Variants in TMEM72 observed in about 807,000 individuals in gnomAD.
TMEM72 encodes transmembrane protein 72, also known as kidney-specific secretory protein of 37 kDa.
TMEM72 carries 9 observed loss-of-function variants against 16.3 expected under a neutral mutation model. The ratio of observed to expected loss-of-function variants is 0.55; its 90% CI spans 0.33 to 0.96. The LOEUF (loss-of-function observed/expected upper bound fraction) is 0.96, where lower values mean the gene tolerates loss of function less well. Ranked by LOEUF, TMEM72 falls within the 40% of genes least tolerant of loss-of-function variation. TMEM72 has a pLI of 0.03. For synonymous variants in TMEM72, 160 were observed against 146.5 expected (o/e 1.09, Z -0.66); for missense variants, 324 against 337.8 (o/e 0.96, Z 0.32).
chr10:44,911,719 A>G (rs905132162), intron 1 of TMEM72, 137 bp downstream of exon 1: 3 of 940,198 alleles, frequency 3.2e-6, no homozygotes, highest in Non-Finnish European at 4.9e-6. Context: ...CAAGACCCCT[A>G]GAAACACTGC....
Position 44,914,578 on chromosome 10 carries a change from G to A in TMEM72, c.70+2996G>A, listed in dbSNP as rs139066180. On this transcript the variant is annotated intron_variant, in intron 1 of 4. Coordinates refer to ENST00000389583, the MANE Select transcript of TMEM72 (RefSeq NM_001123376.3). ...GTGAGCACTCCACATTCCCCTGTGC[G>A]GATGCCGGAGCTCCTGCCTGTCCAT... Among the ~76,000 whole-genome samples, 392 of 152,318 alleles carry A rather than the reference G, an allele frequency of 2.6e-3. 1 individual carries two copies. Among genetic ancestry groups the A allele is most frequent in the African/African-American group, 9.0e-3 (376 of 41,570 alleles).
chr10:44,915,504 T>G (rs1164712933), intron 1 of TMEM72, among the ~76,000 whole-genome samples: 1 of 152,126 alleles, frequency 6.6e-6, no homozygotes, highest in East Asian at 1.9e-4. Flanking sequence ...GGTCTGCTCC[T>G]GAGACTCCAC....
At chr10:44,911,605 C>A (rs1377335731) in intron 1 of TMEM72, 23 bp downstream of exon 1, 1 of 1,548,326 alleles carries the variant, frequency 6.5e-7, no homozygotes, top group South Asian at 1.2e-5. Context: ...CTCCTGGCTG[C>A]TGATCCTTGC....
At chr10:44,921,258 T>G (rs1840094027) in intron 1 of TMEM72, among the ~76,000 whole-genome samples, 1 of 151,930 alleles carries the variant, frequency 6.6e-6, no homozygotes, top group Non-Finnish European at 1.5e-5. Flanking sequence ...AGGCGTGGGG[T>G]GAGCTGTGCT....
At position 44,911,557 on chromosome 10, in the gene TMEM72, G is replaced by A; in HGVS notation, c.45G>A (p.Arg15=). Residue 15 remains arginine (R), a synonymous_variant, in exon 1 of 5, where the codon CGG becomes CGA. Coordinates refer to ENST00000389583, the MANE Select transcript of TMEM72 (RefSeq NM_001123376.3). ...GGACTGGGCTGGAATACACCTGCCG[G>A]CTCCTGGGCATCACCACTGCTGCAG... ...VFWTGLEYTC[R]LLGITTAAVL... 6.4e-7 allele frequency: 1 copy of A among 1,551,170 alleles called. No homozygotes were observed. Among genetic ancestry groups the A allele is most frequent in the Non-Finnish European group, 8.7e-7 (1 of 1,147,316 alleles).
At chr10:44,924,391 CGCTGAATG>C (rs1225466756) in intron 1 of TMEM72, among the ~76,000 whole-genome samples, 1 of 152,214 alleles carries the variant, frequency 6.6e-6, no homozygotes. Flanking sequence ...TTACTGCCCT[CGCTGAATG>C]CACTTTTCTC....
At chr10:44,927,216 G>A (rs901514771) in intron 1 of TMEM72, among the ~76,000 whole-genome samples, 1 of 152,154 alleles carries the variant, frequency 6.6e-6, no homozygotes, top group Non-Finnish European at 1.5e-5. Context: ...CCAAAGGTCC[G>A]TGCTGTGCTG....
Position 44,934,739 on chromosome 10 carries a change from T to C in TMEM72, c.433T>C (p.Ser145Pro), listed in dbSNP as rs1395259905. Residue 145 changes from serine to proline, a missense_variant, in exon 5 of 5, where the codon TCC (serine) becomes CCC (proline). Transcript: ENST00000389583. ...GAAAGCTGCCCCCGAGGTGCTGGCC[T>C]CCCCAGAGCAGTACACAGACCCCTC... ...KRKAAPEVLA[S>P]PEQYTDPSSS... is the part of the protein sequence containing the mutation. 1.2e-6 allele frequency: 2 copies of C among 1,611,846 alleles called. No homozygotes were observed. The highest frequency in any genetic ancestry group is 1.3e-5 in the African/African-American group (1 of 74,798).
At chr10:44,924,155 G>A (rs769061421) in intron 1 of TMEM72, among the ~76,000 whole-genome samples, 3 of 152,134 alleles carry the variant, frequency 2.0e-5, no homozygotes, top group East Asian at 1.9e-4. Flanking sequence ...CCCCACAGTC[G>A]CCTTGATCCA....
rs570463575 is a variant in TMEM72, at chr10:44,917,892, T to C, written c.70+6310T>C. ...CCTGACATTGAGACCTAAAAGAAATTTCTCCTGTGGGCCTGTATAAGTTTG... is the reference window on the plus strand; with the variant it reads ...CCTGACATTGAGACCTAAAAGAAATCTCTCCTGTGGGCCTGTATAAGTTTG... On this transcript the variant is annotated intron_variant, in intron 1 of 4. Coordinates refer to ENST00000389583, the MANE Select transcript of TMEM72 (RefSeq NM_001123376.3). Among the ~76,000 whole-genome samples the C allele has an allele frequency of 5.3e-5, 8 of 152,214 alleles. No individual in the cohort carries two copies. The South Asian group carries it at 1.2e-3, about 24-fold the overall frequency.
intron 1 of TMEM72, among the ~76,000 whole-genome samples, chr10:44,915,440 T>G (rs2132710311): frequency 6.6e-6 from 1 of 151,948 alleles, no homozygotes; most frequent in African/African-American, 2.4e-5. Context: ...GAGCGAAGCA[T>G]CTTGCTCAGG....
At position 44,913,487 on chromosome 10, in the gene TMEM72, C is replaced by A. The variant is rs11595954; in HGVS notation, c.70+1905C>A. Among the ~76,000 whole-genome samples, 5 of 152,166 alleles carry A rather than the reference C, an allele frequency of 3.3e-5. No homozygotes were observed. In the East Asian group the frequency reaches 9.7e-4, roughly 29 times the overall value. ...ACACACACACACACACAAACCCGTG[C>A]GCGCGCACATAGGGCTCGTCTTAAC... On this transcript the variant is annotated intron_variant, in intron 1 of 4. Coordinates refer to ENST00000389583, the MANE Select transcript of TMEM72 (RefSeq NM_001123376.3).
At chr10:44,928,961 T>A (rs967703753) in intron 2 of TMEM72, among the ~76,000 whole-genome samples, 1 of 152,252 alleles carries the variant, frequency 6.6e-6, no homozygotes, top group Non-Finnish European at 1.5e-5. Context: ...AATATATATT[T>A]GAGCTTCTCT....
chr10:44,911,937 G>A lies in TMEM72; in HGVS notation c.70+355G>A, dbSNP rs574366781. ...GAGACAGAAGGTGAAGATAGAAAGG[G>A]CTGGGCTTCGCTGTGTATCTACAAA... On this transcript the variant is annotated intron_variant, in intron 1 of 4. Coordinates refer to ENST00000389583, the MANE Select transcript of TMEM72 (RefSeq NM_001123376.3). Among the ~76,000 whole-genome samples the A allele has an allele frequency of 7.9e-5, 12 of 152,326 alleles. 1 individual carries two copies. In the South Asian group the frequency reaches 2.5e-3, roughly 32 times the overall value.
At chr10:44,918,554 ATATAGATGCAAAAATTC>A (rs1589039887) in intron 1 of TMEM72, among the ~76,000 whole-genome samples, 1 of 152,238 alleles carries the variant, frequency 6.6e-6, no homozygotes, top group East Asian at 1.9e-4. Context: ...ATTCTTCTCA[ATATAGATGCAAAAATTC>A]TAAGCAAAGT....
chr10:44,921,255 G>A (rs1451775543), intron 1 of TMEM72, among the ~76,000 whole-genome samples: 1 of 152,194 alleles, frequency 6.6e-6, no homozygotes, highest in Admixed American at 6.5e-5. Flanking sequence ...CAGAGGCGTG[G>A]GGTGAGCTGT....
chr10:44,920,825 A>G (rs1840084661), intron 1 of TMEM72, among the ~76,000 whole-genome samples: 1 of 152,206 alleles, frequency 6.6e-6, no homozygotes, highest in Non-Finnish European at 1.5e-5. Context: ...CAGACCAAAG[A>G]GTTAATCACT....
Position 44,935,050 on chromosome 10 carries a change from G to T in TMEM72, c.744G>T (p.Glu248Asp). 1 of 1,613,786 alleles carries T rather than the reference G, an allele frequency of 6.2e-7. No homozygotes were observed. The highest frequency in any genetic ancestry group is 8.5e-7 in the Non-Finnish European group (1 of 1,179,844). ...GLDDGDSEPE[E>D]TTSDTTPIIP... ...ATGATGGGGACAGTGAGCCAGAGGA[G>T]ACCACCTCTGACACGACACCCATCA... The change falls in exon 5 of 5, where the codon GAG becomes GAT. Residue 248 changes from glutamate (E) to aspartate (D), a missense_variant. Transcript: ENST00000389583.
At chr10:44,928,522 C>G (rs900509966) in intron 2 of TMEM72, among the ~76,000 whole-genome samples, 1 of 151,556 alleles carries the variant, frequency 6.6e-6, no homozygotes, top group Non-Finnish European at 1.5e-5. Context: ...ATACACACAC[C>G]CATTCACCCA....
Sources: allele counts gnomAD v4.1 joint callset (sites outside exome capture counted in the v4.1 genomes callset), GRCh38; gene constraint gnomAD v4.1.1; transcripts MANE v1.5; gene names NCBI Gene and HGNC (gene_info 2026-07-23, HGNC 2026-07-21).